IL1RAPL2: variants seen among roughly 807,000 people sequenced by gnomAD.
IL1RAPL2 encodes interleukin 1 receptor accessory protein like 2, also known as X-linked interleukin-1 receptor accessory protein-like 2.
IL1RAPL2 carries 3 observed loss-of-function variants against 44.1 expected under a neutral mutation model. The ratio of observed to expected loss-of-function variants is 0.07; its 90% CI spans 0.03 to 0.18. IL1RAPL2 has a LOEUF of 0.18. Among genes scored for constraint, IL1RAPL2 ranks in the 10% least tolerant of loss-of-function variants. The pLI is 1.00. For missense variants in IL1RAPL2, 391 were observed against 496.4 expected (o/e 0.79, Z 2.02); for synonymous variants, 181 against 178.8 (o/e 1.01, Z -0.10).
intron 2 of IL1RAPL2, among the ~76,000 whole-genome samples, chrX:104,798,444 G>T (rs1173566678): frequency 9.2e-6 from 1 of 109,052 alleles, no homozygotes; most frequent in African/African-American, 3.3e-5. Flanking sequence ...GGATCACAAG[G>T]TCAGGAGATG....
At chrX:104,891,383 C>G (rs1923434606) in intron 2 of IL1RAPL2, among the ~76,000 whole-genome samples, 2 of 111,948 alleles carry the variant, frequency 1.8e-5, no homozygotes, top group Admixed American at 1.9e-4. Flanking sequence ...TATAAATTAC[C>G]TTGGGCAGTA....
chrX:105,042,994 C>A (rs1182687289), intron 2 of IL1RAPL2, among the ~76,000 whole-genome samples: 2 of 100,075 alleles, frequency 2.0e-5, no homozygotes, highest in African/African-American at 3.7e-5. Context: ...AAACAAACAC[C>A]GCATATTCTC....
rs771446066 is a variant in IL1RAPL2, at chrX:105,162,115, A to G, written c.83-33360A>G. Among the ~76,000 whole-genome samples, 3 of 112,308 alleles carry G rather than the reference A, an allele frequency of 2.7e-5. 1 individual carries two copies. The South Asian group carries it at 1.1e-3, about 41-fold the overall frequency. On this transcript the variant is annotated intron_variant, in intron 2 of 10. Transcript: ENST00000372582. ...AACTAGTTGTCATACTTACGCTACA[A>G]TGGCAAGAGCACTTGTTATAGAGTC...
rs762536356 is a variant in IL1RAPL2, at chrX:105,632,051, C to T, written c.773-85316C>T. Among the ~76,000 whole-genome samples, 19 of 110,266 alleles carry T rather than the reference C, an allele frequency of 1.7e-4. 1 individual carries two copies. Among genetic ancestry groups the T allele is most frequent in the African/African-American group, 6.3e-4 (19 of 30,394 alleles). Reference sequence around the variant, plus strand: ...TACTCTCCCCAGTCCTCTCTTATTCCTTTCCCTTTTTTTTTTCTTTTCTGC... The same window carrying T: ...TACTCTCCCCAGTCCTCTCTTATTCTTTTCCCTTTTTTTTTTCTTTTCTGC... On this transcript the variant is annotated intron_variant, in intron 6 of 10. Coordinates refer to ENST00000372582, the MANE Select transcript of IL1RAPL2 (RefSeq NM_017416.2).
rs144574140 is a variant in IL1RAPL2 at position 105,644,854 on chromosome X, T to C, written c.773-72513T>C. The stretch of plus-strand genomic sequence containing the variant: ...CAACTCCCACTTATGAGTGAGAACA[T>C]GCAGCGTTTGGTTTTCTGTTCTTGT... On this transcript the variant is annotated intron_variant, in intron 6 of 10. Coordinates refer to ENST00000372582, the MANE Select transcript of IL1RAPL2 (RefSeq NM_017416.2). Among the ~76,000 whole-genome samples, 14 of 111,232 alleles carry C rather than the reference T, an allele frequency of 1.3e-4. No homozygotes were observed. In the East Asian group the frequency reaches 3.7e-3, roughly 30 times the overall value.
intron 2 of IL1RAPL2, among the ~76,000 whole-genome samples, chrX:104,943,811 A>T (rs1925266746): frequency 8.9e-6 from 1 of 111,853 alleles, no homozygotes; most frequent in African/African-American, 3.2e-5. Context: ...GTCTTTCCCC[A>T]TTATAATGCA....
chrX:105,378,996 G>A (rs1300837584), intron 5 of IL1RAPL2, among the ~76,000 whole-genome samples: 1 of 111,749 alleles, frequency 8.9e-6, no homozygotes, highest in Non-Finnish European at 1.9e-5. Context: ...GTATGACCTA[G>A]AGATTCACTT....
At chrX:105,134,915 C>T (rs973317313) in intron 2 of IL1RAPL2, among the ~76,000 whole-genome samples, 1 of 109,491 alleles carries the variant, frequency 9.1e-6, no homozygotes, top group African/African-American at 3.3e-5. Flanking sequence ...TGCTGTATTC[C>T]TGCATCTCCA....
chrX:105,240,331 T>C (rs1028524348), intron 4 of IL1RAPL2, among the ~76,000 whole-genome samples: 2 of 112,718 alleles, frequency 1.8e-5, no homozygotes, highest in South Asian at 7.2e-4. Flanking sequence ...ACTTAGACCA[T>C]GGAGTTCATT....
chrX:105,076,483 T>C (rs2032304990), intron 2 of IL1RAPL2, among the ~76,000 whole-genome samples: 1 of 111,709 alleles, frequency 9.0e-6, no homozygotes, highest in South Asian at 3.8e-4. Context: ...AATTTTGGAA[T>C]AGGTGTGGTG....
intron 5 of IL1RAPL2, among the ~76,000 whole-genome samples, chrX:105,474,195 C>T (rs763086033): frequency 9.0e-6 from 1 of 111,332 alleles, no homozygotes; most frequent in Non-Finnish European, 1.9e-5. Flanking sequence ...AAGGATTCAA[C>T]CTGCCCTTGC....
In IL1RAPL2 at chrX:105,438,433, A is replaced by T. The variant is rs182383260; in HGVS notation, c.698-45880A>T. Among the ~76,000 whole-genome samples, 4 of 111,486 alleles carry T rather than the reference A, an allele frequency of 3.6e-5. No homozygotes were observed. The East Asian group carries it at 1.1e-3, about 32-fold the overall frequency. ...ATAGTAGAAGGAGGTAAAAGACCAA[A>T]CTTGATAACCCAAAGTATTATAAAA... On this transcript the variant is annotated intron_variant, in intron 5 of 10. Coordinates refer to ENST00000372582, the MANE Select transcript of IL1RAPL2 (RefSeq NM_017416.2).
At chrX:105,270,293 A>G (rs908760237) in intron 5 of IL1RAPL2, among the ~76,000 whole-genome samples, 6 of 111,794 alleles carry the variant, frequency 5.4e-5, no homozygotes, top group Non-Finnish European at 9.4e-5. Context: ...TAGTTCACAC[A>G]TGCACACACA....
At chrX:105,174,136 A>T (rs1184684624) in intron 2 of IL1RAPL2, among the ~76,000 whole-genome samples, 2 of 110,530 alleles carry the variant, frequency 1.8e-5, no homozygotes, top group African/African-American at 6.6e-5. Context: ...ATCCTTTCCT[A>T]TGAGGAGCTG....
chrX:104,668,682 A>AT (rs35941481), intron 2 of IL1RAPL2, among the ~76,000 whole-genome samples: 34,145 of 101,739 alleles, frequency 0.34, 5,192 homozygotes, highest in East Asian at 0.6. Context: ...GGAATTAATG[A>AT]TTTTTTTTTT....
chrX:104,767,127 A>G (rs1932571143), intron 2 of IL1RAPL2, among the ~76,000 whole-genome samples: 1 of 112,068 alleles, frequency 8.9e-6, no homozygotes, highest in African/African-American at 3.2e-5. Flanking sequence ...ATTTCAGGAA[A>G]TTAGAACCAG....
intron 2 of IL1RAPL2, among the ~76,000 whole-genome samples, chrX:104,954,618 T>G (rs1448666290): frequency 8.9e-6 from 1 of 112,126 alleles, no homozygotes; most frequent in Non-Finnish European, 1.9e-5. Flanking sequence ...CATAGCTTAC[T>G]GCAGTCTTGA....
chrX:104,925,438 G>A (rs1924752892), intron 2 of IL1RAPL2, among the ~76,000 whole-genome samples: 1 of 110,982 alleles, frequency 9.0e-6, no homozygotes, highest in African/African-American at 3.3e-5. Flanking sequence ...GAACATCAAT[G>A]CAAAAATCCT....
chrX:105,265,643 C>T (rs1036093526), intron 4 of IL1RAPL2, among the ~76,000 whole-genome samples: 15 of 111,365 alleles, frequency 1.3e-4, no homozygotes, highest in Middle Eastern at 4.7e-3. Flanking sequence ...TTGTATTGAA[C>T]ATAAAGCAAG....
Sources: allele counts gnomAD v4.1 joint callset (sites outside exome capture counted in the v4.1 genomes callset), GRCh38; gene constraint gnomAD v4.1.1; transcripts MANE v1.5; gene names NCBI Gene and HGNC (gene_info 2026-07-23, HGNC 2026-07-21).